Variants in CDH18 observed in about 807,000 individuals in gnomAD.
CDH18 encodes the protein cadherin 18, also known as cadherin-18.
A neutral mutation model predicts 67.9 loss-of-function variants in CDH18; 31 were observed. The ratio of observed to expected loss-of-function variants is 0.46; its 90% confidence interval spans 0.34 to 0.62. The LOEUF is 0.62. Ranked by LOEUF, CDH18 falls within the 20% of genes least tolerant of loss-of-function variation. The pLI is 0.01. For missense variants in CDH18, 890 were observed against 975.5 expected (o/e 0.91, Z 1.17); for synonymous variants, 362 against 347.2 (o/e 1.04, Z -0.48).
At chr5:19,714,259 C>G (rs1765074081) in intron 5 of CDH18, among the ~76,000 whole-genome samples, 1 of 130,698 alleles carries the variant, frequency 7.7e-6, no homozygotes, top group Admixed American at 8.6e-5. Flanking sequence ...TTGATAGATA[C>G]AGGGAAGTTG....
chr5:19,763,118 G>A (rs1772589256), intron 3 of CDH18, among the ~76,000 whole-genome samples: 2 of 152,172 alleles, frequency 1.3e-5, no homozygotes, highest in Non-Finnish European at 2.9e-5. Flanking sequence ...GGATGGGGGA[G>A]GGATAGCATT....
chr5:20,012,976 G>C (rs1469503692), intron 2 of CDH18, among the ~76,000 whole-genome samples: 1 of 151,992 alleles, frequency 6.6e-6, no homozygotes, highest in Non-Finnish European at 1.5e-5. Context: ...ATATATCTTG[G>C]TGATTAAATA....
intron 1 of CDH18, chr5:20,304,416 T>A: frequency 1.4e-6 from 2 of 1,433,604 alleles, no homozygotes; most frequent in South Asian, 2.3e-5. Flanking sequence ...ACTACTACTT[T>A]GGGTAGCTCA....
chr5:20,056,906 C>T (rs372189433), intron 2 of CDH18, among the ~76,000 whole-genome samples: 4 of 151,288 alleles, frequency 2.6e-5, no homozygotes, highest in African/African-American at 7.3e-5. Context: ...AGGATGGTCT[C>T]GATCTCCTGA....
At chr5:19,773,209 G>C (rs1037553367) in intron 3 of CDH18, among the ~76,000 whole-genome samples, 2 of 151,936 alleles carry the variant, frequency 1.3e-5, no homozygotes, top group African/African-American at 2.4e-5. Flanking sequence ...AAAAATACGT[G>C]GAAATCCAAA....
At chr5:19,692,386 C>G (rs1048293283) in intron 5 of CDH18, among the ~76,000 whole-genome samples, 7 of 152,026 alleles carry the variant, frequency 4.6e-5, no homozygotes, top group African/African-American at 1.7e-4. Context: ...ACAAATGTGA[C>G]TATATTAAAC....
chr5:19,558,701 CT>C (rs1353396143), intron 8 of CDH18, among the ~76,000 whole-genome samples: 1 of 151,858 alleles, frequency 6.6e-6, no homozygotes, highest in Non-Finnish European at 1.5e-5. Flanking sequence ...AGATTCATGG[CT>C]GAATTATATT....
intron 2 of CDH18, among the ~76,000 whole-genome samples, chr5:20,199,860 G>C (rs1196912130): frequency 6.6e-6 from 1 of 152,108 alleles, no homozygotes; most frequent in African/African-American, 2.4e-5. Context: ...TAAGTGTCTG[G>C]CATTTCCCCT....
intron 1 of CDH18, among the ~76,000 whole-genome samples, chr5:20,401,868 T>C (rs1290949310): frequency 6.6e-6 from 1 of 152,190 alleles, no homozygotes; most frequent in Non-Finnish European, 1.5e-5. Flanking sequence ...TTATTTAAAA[T>C]TATAAATTAT....
chr5:20,181,515 T>G (rs1336257425), intron 2 of CDH18, among the ~76,000 whole-genome samples: 2 of 152,030 alleles, frequency 1.3e-5, no homozygotes, highest in African/African-American at 4.8e-5. Context: ...TGGTAATACC[T>G]CAAGGCCCAA....
At chr5:20,049,336 A>G (rs896626830) in intron 2 of CDH18, among the ~76,000 whole-genome samples, 4 of 151,692 alleles carry the variant, frequency 2.6e-5, no homozygotes, top group Admixed American at 6.6e-5. Context: ...AAAATACATG[A>G]CACTGGAGCC....
intron 1 of CDH18, among the ~76,000 whole-genome samples, chr5:20,398,111 A>G (rs1186665195): frequency 6.6e-6 from 1 of 152,182 alleles, no homozygotes; most frequent in East Asian, 1.9e-4. Flanking sequence ...GACAAATCTG[A>G]GTCTATTTCA....
intron 2 of CDH18, among the ~76,000 whole-genome samples, chr5:19,909,300 CTTTTT>C (rs11352062): frequency 1.5e-5 from 2 of 130,446 alleles, no homozygotes; most frequent in African/African-American, 2.9e-5. Context: ...GTTTCCTTCA[CTTTTT>C]TTTTTTTTTT....
chr5:19,619,607 A>G (rs536902612), intron 5 of CDH18, among the ~76,000 whole-genome samples: 66 of 152,330 alleles, frequency 4.3e-4, no homozygotes, highest in Non-Finnish European at 2.4e-4. Flanking sequence ...TTAGGTACTC[A>G]GTGATTAAAA....
At chr5:20,317,314 T>A (rs1269686977) in intron 1 of CDH18, among the ~76,000 whole-genome samples, 1 of 152,094 alleles carries the variant, frequency 6.6e-6, no homozygotes, top group Non-Finnish European at 1.5e-5. Context: ...ATTCTTTGAC[T>A]TGGAAGAAAA....
chr5:19,505,946 C>T (rs996656218), intron 10 of CDH18, among the ~76,000 whole-genome samples: 3 of 152,064 alleles, frequency 2.0e-5, no homozygotes, highest in African/African-American at 4.8e-5. Context: ...TCCATCTAGT[C>T]CTGGACTTTT....
intron 2 of CDH18, among the ~76,000 whole-genome samples, chr5:20,157,435 A>AT (rs895284537): frequency 3.3e-5 from 5 of 151,982 alleles, no homozygotes. Context: ...AAGCTATTTT[A>AT]TTTTTTTATT....
intron 2 of CDH18, among the ~76,000 whole-genome samples, chr5:20,154,976 T>G (rs978436016): frequency 6.6e-6 from 1 of 152,182 alleles, no homozygotes; most frequent in African/African-American, 2.4e-5. Context: ...AATATCAACC[T>G]GATTAGCAAC....
At chr5:20,419,780 G>A (rs535371593) in intron 1 of CDH18, among the ~76,000 whole-genome samples, 2 of 150,462 alleles carry the variant, frequency 1.3e-5, no homozygotes, top group Non-Finnish European at 2.9e-5. Flanking sequence ...CCTGTCCCTG[G>A]GACTCTTTTG....
Sources: gnomAD v4.1 joint callset for allele counts (sites outside exome capture counted in the v4.1 genomes callset) on GRCh38, gnomAD v4.1.1 for gene constraint, MANE v1.5 for transcripts, NCBI Gene and HGNC (gene_info 2026-07-23, HGNC 2026-07-21) for gene names.